Variants in KIRREL3 observed in about 807,000 individuals in gnomAD.
KIRREL3 encodes kin of IRRE-like protein 3.
KIRREL3 carries 36 observed loss-of-function variants against 89.7 expected under a neutral mutation model. The ratio of observed to expected loss-of-function variants is 0.40; its 90% CI spans 0.31 to 0.53. KIRREL3 has a LOEUF of 0.53. KIRREL3 is among the 20% of genes least tolerant of loss of function. The pLI is 0.49. For missense variants in KIRREL3, 864 were observed against 1,056.6 expected (o/e 0.82, Z 2.53); for synonymous variants, 445 against 441.4 (o/e 1.01, Z -0.10).
intron 4 of KIRREL3, among the ~76,000 whole-genome samples, chr11:126,512,898 T>C (rs1958270632): frequency 6.6e-6 from 1 of 152,202 alleles, no homozygotes; most frequent in Non-Finnish European, 1.5e-5. Context: ...TCATCTCTCC[T>C]GCTACTGGCT....
rs1221168252 is a variant in KIRREL3, at chr11:126,612,107, C to T, written c.56-49195G>A. ...GTGTATTTGGTAACCTGTCTTCCTC[C>T]TGCTGAAATATCAACTCCAAGAGGG... On this transcript the variant is annotated intron_variant, in intron 1 of 16. Coordinates refer to ENST00000525144, the MANE Select transcript of KIRREL3 (RefSeq NM_032531.4). This position sits in a 1 kb window ranked among gnomAD's most constrained non-coding sequence, Gnocchi z 4.5. 6.6e-6 allele frequency among the ~76,000 whole-genome samples: 1 copy of T among 152,190 alleles called. No homozygotes were observed. Among genetic ancestry groups the T allele is most frequent in the Non-Finnish European group, 1.5e-5 (1 of 68,038 alleles).
At chr11:126,585,800 T>C (rs1591779911) in intron 1 of KIRREL3, among the ~76,000 whole-genome samples, 1 of 152,240 alleles carries the variant, frequency 6.6e-6, no homozygotes, top group Non-Finnish European at 1.5e-5. Context: ...AGCTAAAAGG[T>C]ACTCCATCAA....
intron 1 of KIRREL3, among the ~76,000 whole-genome samples, chr11:126,765,447 A>G (rs1949793506): frequency 6.6e-6 from 1 of 152,196 alleles, no homozygotes; most frequent in African/African-American, 2.4e-5. Context: ...CTCCCAGAGC[A>G]TACGGCTTTT....
intron 9 of KIRREL3, among the ~76,000 whole-genome samples, chr11:126,445,451 C>A (rs1266609505): frequency 1.3e-5 from 2 of 152,244 alleles, no homozygotes; most frequent in Non-Finnish European, 2.9e-5. Context: ...CCTCCCTGTA[C>A]CTGCGGTGGC....
intron 1 of KIRREL3, among the ~76,000 whole-genome samples, chr11:126,907,103 G>A (rs967462027): frequency 9.2e-5 from 14 of 152,102 alleles, no homozygotes; most frequent in Non-Finnish European, 1.9e-4. Flanking sequence ...TGGTACCATT[G>A]TCAGAATATC....
rs1389595210 is a variant in KIRREL3 at position 126,551,852 on chromosome 11, G to T, written c.133+10983C>A. On this transcript the variant is annotated intron_variant, in intron 2 of 16. Coordinates refer to ENST00000525144, the MANE Select transcript of KIRREL3 (RefSeq NM_032531.4). The surrounding 1 kb of genome is among the most constrained non-coding windows in gnomAD (Gnocchi z 4.9). Reference sequence around the variant, plus strand: ...GTAGAGATGGGGTTTCACCATGTTAGTCAGGCTGGTCTTGAACTCCTGACC... The same window carrying T: ...GTAGAGATGGGGTTTCACCATGTTATTCAGGCTGGTCTTGAACTCCTGACC... Among the ~76,000 whole-genome samples the T allele has an allele frequency of 6.6e-6, 1 of 152,176 alleles. No individual in the cohort carries two copies. Among genetic ancestry groups the T allele is most frequent in the Non-Finnish European group, 1.5e-5 (1 of 68,020 alleles).
chr11:126,541,904 GC>G lies in KIRREL3; in HGVS notation c.134-15218del, dbSNP rs1163412796. ...ATTTTCACACCTTTTGAAAGTTCAT[GC>G]AACCCTTTTTGTCAGTGAAGTCTCA... On this transcript the variant is annotated intron_variant, in intron 2 of 16. Transcript: ENST00000525144. This position sits in a 1 kb window ranked among gnomAD's most constrained non-coding sequence, Gnocchi z 4.8. 6.6e-6 allele frequency among the ~76,000 whole-genome samples: 1 copy of G among 152,220 alleles called. No homozygotes were observed. The highest frequency in any genetic ancestry group is 2.4e-5 in the African/African-American group (1 of 41,456).
At chr11:126,439,153 A>T (rs1383778055) in intron 11 of KIRREL3, among the ~76,000 whole-genome samples, 4 of 152,144 alleles carry the variant, frequency 2.6e-5, no homozygotes, top group African/African-American at 9.7e-5. Flanking sequence ...CAACATGGTG[A>T]AACCTTATCT....
Position 126,620,724 on chromosome 11 carries a change from T to C in KIRREL3, c.56-57812A>G, listed in dbSNP as rs1211457883. ...CTGCCTTCTTCAATGCTTTTATAGG[T>C]CTCTTGATCTCTTCTTCCTGCCTCA... On this transcript the variant is annotated intron_variant, in intron 1 of 16. Transcript: ENST00000525144. The surrounding 1 kb of genome is among the most constrained non-coding windows in gnomAD (Gnocchi z 4.8). Among the ~76,000 whole-genome samples the C allele has an allele frequency of 6.6e-6, 1 of 152,212 alleles. No individual in the cohort carries two copies. Among genetic ancestry groups the C allele is most frequent in the Non-Finnish European group, 1.5e-5 (1 of 68,044 alleles).
intron 1 of KIRREL3, among the ~76,000 whole-genome samples, chr11:126,968,757 C>T (rs1174543609): frequency 6.6e-6 from 1 of 152,164 alleles, no homozygotes; most frequent in Non-Finnish European, 1.5e-5. Flanking sequence ...CAGGTGCAGG[C>T]TCTGTCTGGT....
chr11:126,603,414 C>T (rs1360618418), intron 1 of KIRREL3, among the ~76,000 whole-genome samples: 1 of 152,204 alleles, frequency 6.6e-6, no homozygotes, highest in Non-Finnish European at 1.5e-5. Context: ...ATGAGGGCAT[C>T]ATGGGCAGGA....
intron 1 of KIRREL3, among the ~76,000 whole-genome samples, chr11:126,765,786 T>C (rs1258825743): frequency 6.6e-6 from 1 of 152,200 alleles, no homozygotes; most frequent in Non-Finnish European, 1.5e-5. Context: ...TCCTGGCTCC[T>C]GCAGCCTAGC....
rs575309497 is a variant in KIRREL3, at chr11:126,899,944, T to C, written c.55+100511A>G. ...GAACATCTTCTTAGAGCTTTCCTAG[T>C]GCTCAAATCTTCTACAAAGCCAAAA... On this transcript the variant is annotated intron_variant, in intron 1 of 16. Transcript: ENST00000525144. 5.3e-5 allele frequency among the ~76,000 whole-genome samples: 8 copies of C among 152,372 alleles called. No individual in the cohort carries two copies. In the East Asian group the frequency reaches 1.5e-3, roughly 29 times the overall value.
chr11:126,464,539 A>G (rs1482833935), intron 5 of KIRREL3, among the ~76,000 whole-genome samples: 1 of 20,604 alleles, frequency 4.9e-5, no homozygotes, highest in Non-Finnish European at 9.1e-5. Flanking sequence ...TCAGAAGAAG[A>G]AGAAAAAGAA....
At chr11:126,631,792 A>G (rs991303046) in intron 1 of KIRREL3, among the ~76,000 whole-genome samples, 6 of 152,166 alleles carry the variant, frequency 3.9e-5, no homozygotes, top group African/African-American at 1.4e-4. Flanking sequence ...TATTATCCTT[A>G]TTTTGCAGAT....
At chr11:126,552,550 GTTTTTTTTTTTTT>G (rs59392843) in intron 2 of KIRREL3, among the ~76,000 whole-genome samples, 1,786 of 81,850 alleles carry the variant, frequency 0.022, 76 homozygotes, top group East Asian at 0.17. Context: ...AGAGAGAAAA[GTTTTTTTTTTTTT>G]TTTTTTTTTT....
rs1434524531 is a variant in KIRREL3 at position 126,587,082 on chromosome 11, G to A, written c.56-24170C>T. ...TGGGAGAGATGAATAAACAGGCAAC[G>A]ACGATGCAGTGTGATGGATGCTCCA... is the stretch of plus-strand genomic sequence containing the variant. On this transcript the variant is annotated intron_variant, in intron 1 of 16. Transcript: ENST00000525144. This position sits in a 1 kb window ranked among gnomAD's most constrained non-coding sequence, Gnocchi z 5.2. Among the ~76,000 whole-genome samples, 14 of 152,162 alleles carry A rather than the reference G, an allele frequency of 9.2e-5. No homozygotes were observed. Among genetic ancestry groups the A allele is most frequent in the Admixed American group, 8.5e-4 (13 of 15,272 alleles).
chr11:126,965,668 C>T lies in KIRREL3; in HGVS notation c.55+34787G>A, dbSNP rs574461276. Among the ~76,000 whole-genome samples the T allele has an allele frequency of 1.3e-5, 2 of 152,272 alleles. No homozygotes were observed. The highest frequency in any genetic ancestry group is 2.4e-5 in the African/African-American group (1 of 41,542). ...TGGAGAGGTCAGAGCCATGGATAAT[C>T]GAAACCTCAGCCAAAAGAAGATCAA... is the stretch of plus-strand genomic sequence containing the variant. On this transcript the variant is annotated intron_variant, in intron 1 of 16. Coordinates refer to ENST00000525144, the MANE Select transcript of KIRREL3 (RefSeq NM_032531.4). The surrounding 1 kb of genome is among the most constrained non-coding windows in gnomAD (Gnocchi z 4.4).
intron 12 of KIRREL3, among the ~76,000 whole-genome samples, chr11:126,435,929 T>C (rs557134155): frequency 6.6e-6 from 1 of 152,078 alleles, no homozygotes; most frequent in Non-Finnish European, 1.5e-5. Context: ...TGGTCCACCA[T>C]GGCTTAGCCC....
Sources: allele counts gnomAD v4.1 joint callset (sites outside exome capture counted in the v4.1 genomes callset), GRCh38; gene constraint gnomAD v4.1.1; non-coding constraint Gnocchi (gnomAD v3.1); transcripts MANE v1.5; gene names NCBI Gene and HGNC (gene_info 2026-07-23, HGNC 2026-07-21).